IGBP1C: variants seen among roughly 807,000 people sequenced by gnomAD.
The protein encoded by IGBP1C is IGBP1 family member C, also known as immunoglobulin-binding protein 1 family member C.
the IGBP1C span, among the ~76,000 whole-genome samples, chr17:58,688,939 A>G: frequency 6.6e-6 from 1 of 150,908 alleles, no homozygotes; most frequent in South Asian, 2.1e-4. Flanking sequence ...CTATACATAT[A>G]TTTTTTTTTG....
the IGBP1C span, among the ~76,000 whole-genome samples, chr17:58,691,068 T>C: frequency 5.9e-5 from 9 of 151,980 alleles, no homozygotes; most frequent in Admixed American, 5.9e-4. Context: ...TTGTCGAGGC[T>C]GGTCTCAAAC....
the IGBP1C span, among the ~76,000 whole-genome samples, chr17:58,664,716 T>C: frequency 6.6e-6 from 1 of 152,226 alleles, no homozygotes; most frequent in East Asian, 1.9e-4. Flanking sequence ...ATAAAATATA[T>C]ACATTTCCAT....
the IGBP1C span, among the ~76,000 whole-genome samples, chr17:58,676,706 G>C: frequency 6.6e-6 from 1 of 152,124 alleles, no homozygotes; most frequent in African/African-American, 2.4e-5. Flanking sequence ...TCCTTTAGGG[G>C]CCAGGTATGG....
chr17:58,676,621 ATCAT>A, the IGBP1C span, among the ~76,000 whole-genome samples: 1 of 152,166 alleles, frequency 6.6e-6, no homozygotes, highest in Non-Finnish European at 1.5e-5. Context: ...CCTAAAGGTG[ATCAT>A]TCAAAGTAGT....
chr17:58,661,180 A>G, the IGBP1C span: 1 of 804,058 alleles, frequency 1.2e-6, no homozygotes, highest in South Asian at 1.3e-5. Context: ...AGGTAATAGC[A>G]CCGTGATTTT....
the IGBP1C span, among the ~76,000 whole-genome samples, chr17:58,685,081 A>G: frequency 1.3e-5 from 2 of 152,228 alleles, no homozygotes; most frequent in African/African-American, 4.8e-5. Context: ...CGAATGAAAA[A>G]TCCATTTATA....
At chr17:58,676,634 G>A in the IGBP1C span, among the ~76,000 whole-genome samples, 1 of 152,124 alleles carries the variant, frequency 6.6e-6, no homozygotes, top group Non-Finnish European at 1.5e-5. Flanking sequence ...ATTCAAAGTA[G>A]TCATTTTAGA....
chr17:58,684,626 G>A, the IGBP1C span, among the ~76,000 whole-genome samples: 1 of 138,958 alleles, frequency 7.2e-6, no homozygotes, highest in Non-Finnish European at 1.5e-5. Context: ...GTGAGACCCT[G>A]TCTCAAATAA....
the IGBP1C span, among the ~76,000 whole-genome samples, chr17:58,666,977 G>A: frequency 6.6e-6 from 1 of 152,128 alleles, no homozygotes; most frequent in Non-Finnish European, 1.5e-5. Context: ...ATCTCGGCCC[G>A]CTTCCAACCA....
chr17:58,663,753 C>A, the IGBP1C span, among the ~76,000 whole-genome samples: 35 of 152,148 alleles, frequency 2.3e-4, no homozygotes, highest in Non-Finnish European at 4.7e-4. Flanking sequence ...CAGGCATGAG[C>A]CAATGTGCCA....
the IGBP1C span, among the ~76,000 whole-genome samples, chr17:58,690,440 C>T: frequency 2.0e-5 from 3 of 152,126 alleles, no homozygotes; most frequent in African/African-American, 7.2e-5. Flanking sequence ...TGCTTGGATT[C>T]CAGGCTTAAG....
chr17:58,664,155 C>T, the IGBP1C span, among the ~76,000 whole-genome samples: 2 of 152,200 alleles, frequency 1.3e-5, no homozygotes, highest in Non-Finnish European at 2.9e-5. Context: ...CAGCCCACCT[C>T]GGTTATACTA....
chr17:58,688,172 G>A, the IGBP1C span, among the ~76,000 whole-genome samples: 1 of 152,020 alleles, frequency 6.6e-6, no homozygotes, highest in Non-Finnish European at 1.5e-5. Context: ...CCAGGCTGGA[G>A]TACAGTGTCA....
the IGBP1C span, among the ~76,000 whole-genome samples, chr17:58,672,465 G>A: frequency 2.5e-4 from 38 of 152,222 alleles, no homozygotes; most frequent in African/African-American, 8.2e-4. Context: ...ACAGAGTCTC[G>A]CTCTATCACC....
chr17:58,661,312 GT>G, the IGBP1C span: 1 of 841,404 alleles, frequency 1.2e-6, no homozygotes, highest in South Asian at 1.3e-5. Flanking sequence ...GCTTACGGGG[GT>G]TGACTTGTTT....
the IGBP1C span, chr17:58,660,753 G>A: frequency 1.3e-6 from 1 of 781,128 alleles, no homozygotes; most frequent in Non-Finnish European, 2.4e-6. Context: ...CCCTGATCTG[G>A]TAACACTCCA....
the IGBP1C span, among the ~76,000 whole-genome samples, chr17:58,662,130 C>T: frequency 6.6e-6 from 1 of 151,382 alleles, no homozygotes; most frequent in African/African-American, 2.4e-5. Context: ...CGTGAGCCAC[C>T]ACGCCTGGCC....
chr17:58,685,959 C>T, the IGBP1C span, among the ~76,000 whole-genome samples: 1 of 141,082 alleles, frequency 7.1e-6, no homozygotes, highest in Non-Finnish European at 1.5e-5. Flanking sequence ...CACACCACCG[C>T]ACTCCAGCCT....
the IGBP1C span, among the ~76,000 whole-genome samples, chr17:58,670,771 T>TCAAAAAAAAAAAAAAAAAA: frequency 2.5e-4 from 2 of 7,956 alleles, 1 homozygote. Flanking sequence ...AGACTCCCTC[T>TCAAAAAAAAAAAAAAAAAA]TAAAAAAAAA....
Sources: allele counts gnomAD v4.1 joint callset (sites outside exome capture counted in the v4.1 genomes callset), GRCh38; gene constraint gnomAD v4.1.1; transcripts MANE v1.5; gene names NCBI Gene and HGNC (gene_info 2026-07-23, HGNC 2026-07-21).